The following CDC42BPA variants were observed in gnomAD, a reference collection of about 807,000 sequenced individuals.
CDC42BPA encodes the protein CDC42 binding protein kinase alpha.
CDC42BPA carries 80 observed loss-of-function variants against 223.5 expected under a neutral mutation model. The ratio of observed to expected loss-of-function variants is 0.36; its 90% CI spans 0.30 to 0.43. The LOEUF (loss-of-function observed/expected upper bound fraction) is 0.43. Among genes scored for constraint, CDC42BPA ranks in the 20% least tolerant of loss-of-function variants. The pLI is 1.00. For missense variants in CDC42BPA, 1,743 were observed against 2,099.9 expected (o/e 0.83, Z 3.32); for synonymous variants, 694 against 718.6 (o/e 0.97, Z 0.55).
intron 3 of CDC42BPA, among the ~76,000 whole-genome samples, chr1:227,207,454 C>G (rs927534228): frequency 1.4e-5 from 2 of 143,616 alleles, no homozygotes; most frequent in African/African-American, 5.2e-5. Context: ...CATGCTGGTG[C>G]GCTGCACCCA....
intron 5 of CDC42BPA, among the ~76,000 whole-genome samples, chr1:227,175,486 T>C (rs982602333): frequency 7.4e-6 from 1 of 134,414 alleles, no homozygotes; most frequent in Non-Finnish European, 1.7e-5. Context: ...TCCTATACTT[T>C]AACACAGCAT....
At chr1:227,301,785 T>C (rs755048846) in intron 1 of CDC42BPA, among the ~76,000 whole-genome samples, 2 of 152,130 alleles carry the variant, frequency 1.3e-5, no homozygotes, top group Non-Finnish European at 2.9e-5. Context: ...CCGTACCTAC[T>C]ATCACTTCCA....
At chr1:227,183,596 A>G (rs1284149457) in intron 5 of CDC42BPA, among the ~76,000 whole-genome samples, 1 of 152,220 alleles carries the variant, frequency 6.6e-6, no homozygotes, top group South Asian at 2.1e-4. Flanking sequence ...CTATTCACCC[A>G]CTGAAGGATA....
chr1:227,252,132 C>T (rs904513784), intron 2 of CDC42BPA, among the ~76,000 whole-genome samples: 1 of 151,572 alleles, frequency 6.6e-6, no homozygotes, highest in Admixed American at 6.6e-5. Flanking sequence ...AAAAGAATAG[C>T]AAGATAAAAC....
intron 35 of CDC42BPA, among the ~76,000 whole-genome samples, chr1:226,995,426 A>T (rs1396125209): frequency 6.6e-6 from 1 of 152,214 alleles, no homozygotes; most frequent in African/African-American, 2.4e-5. Context: ...TTGCCTCTCC[A>T]GGGCCTAGCA....
chr1:227,003,089 T>C (rs1663207333), intron 35 of CDC42BPA, among the ~76,000 whole-genome samples: 1 of 152,112 alleles, frequency 6.6e-6, no homozygotes, highest in Non-Finnish European at 1.5e-5. Context: ...AAAAAATACC[T>C]GGGCACAAAT....
chr1:227,144,628 A>G (rs1429393087), intron 8 of CDC42BPA, among the ~76,000 whole-genome samples: 1 of 150,956 alleles, frequency 6.6e-6, no homozygotes, highest in East Asian at 1.9e-4. Flanking sequence ...AAGGCAAAAA[A>G]CTCAAAAATT....
chr1:227,017,608 A>G (rs1357788247), intron 32 of CDC42BPA, among the ~76,000 whole-genome samples: 1 of 152,142 alleles, frequency 6.6e-6, no homozygotes, highest in South Asian at 2.1e-4. Flanking sequence ...CCTTTATAAA[A>G]GGTAAGAATC....
intron 32 of CDC42BPA, among the ~76,000 whole-genome samples, chr1:227,022,816 T>G (rs551217816): frequency 6.6e-6 from 1 of 152,304 alleles, no homozygotes; most frequent in East Asian, 1.9e-4. Flanking sequence ...CTCCTCTCTT[T>G]CCTGCTTCTT....
chr1:227,070,181 G>C (rs1053045187), intron 20 of CDC42BPA, among the ~76,000 whole-genome samples: 2 of 151,740 alleles, frequency 1.3e-5, no homozygotes, highest in Non-Finnish European at 3.0e-5. Context: ...GTTTATATCT[G>C]ATTTTTCTAA....
intron 6 of CDC42BPA, among the ~76,000 whole-genome samples, chr1:227,148,772 C>CAAAAAAGAAAAAAAAAA (rs1187846598): frequency 2.5e-5 from 2 of 78,786 alleles, no homozygotes; most frequent in Non-Finnish European, 4.3e-5. Flanking sequence ...GTCTCAAAAG[C>CAAAAAAGAAAAAAAAAA]AAAAAAAAAA....
At chr1:227,244,986 G>A (rs927926290) in intron 2 of CDC42BPA, among the ~76,000 whole-genome samples, 1 of 152,214 alleles carries the variant, frequency 6.6e-6, no homozygotes, top group African/African-American at 2.4e-5. Context: ...TAGCCAAAGG[G>A]GAGTCACCCA....
intron 2 of CDC42BPA, among the ~76,000 whole-genome samples, chr1:227,219,029 G>A (rs1218144482): frequency 2.0e-5 from 3 of 152,112 alleles, no homozygotes; most frequent in African/African-American, 7.2e-5. Flanking sequence ...AATACAGTAT[G>A]CCCACACCAG....
intron 11 of CDC42BPA, among the ~76,000 whole-genome samples, chr1:227,121,148 C>G (rs1034303494): frequency 6.6e-6 from 1 of 152,162 alleles, no homozygotes; most frequent in Non-Finnish European, 1.5e-5. Context: ...TAAGTAACAT[C>G]CCCAGACAAG....
intron 2 of CDC42BPA, among the ~76,000 whole-genome samples, chr1:227,224,992 T>C (rs1676602179): frequency 6.6e-6 from 1 of 152,212 alleles, no homozygotes; most frequent in South Asian, 2.1e-4. Flanking sequence ...AAAAAATCTT[T>C]ATATTCATGG....
chr1:227,162,995 CAT>C (rs35584116), intron 5 of CDC42BPA, among the ~76,000 whole-genome samples: 18,135 of 97,296 alleles, frequency 0.19, 1,516 homozygotes, highest in South Asian at 0.28. Flanking sequence ...TGTTTCCAAA[CAT>C]GTGTATGTTT....
chr1:227,277,907 G>A (rs1463281696), intron 1 of CDC42BPA, among the ~76,000 whole-genome samples: 2 of 152,106 alleles, frequency 1.3e-5, no homozygotes, highest in African/African-American at 2.4e-5. Flanking sequence ...CCGCCACGAC[G>A]CCCGGCTAAT....
At chr1:227,120,923 C>CTAA (rs1381738141) in intron 11 of CDC42BPA, among the ~76,000 whole-genome samples, 1 of 152,170 alleles carries the variant, frequency 6.6e-6, no homozygotes, top group Non-Finnish European at 1.5e-5. Flanking sequence ...GATCATCAGG[C>CTAA]ATTAGTCAGA....
chr1:227,057,974 T>C (rs1267637374), intron 21 of CDC42BPA, among the ~76,000 whole-genome samples: 2 of 152,224 alleles, frequency 1.3e-5, no homozygotes, highest in Non-Finnish European at 2.9e-5. Context: ...AGTTAAAAAT[T>C]TAGTCAATTC....
Sources: gnomAD v4.1 joint callset for allele counts (sites outside exome capture counted in the v4.1 genomes callset) on GRCh38, gnomAD v4.1.1 for gene constraint, MANE v1.5 for transcripts, NCBI Gene and HGNC (gene_info 2026-07-23, HGNC 2026-07-21) for gene names.